The following CDH23 variants were observed in gnomAD, a reference collection of about 807,000 sequenced individuals.
The protein encoded by CDH23 is cadherin related 23.
CDH23 carries 189 observed loss-of-function variants against 317.1 expected under a neutral mutation model. The ratio of observed to expected loss-of-function variants is 0.60; its 90% CI spans 0.53 to 0.67. CDH23 has a LOEUF of 0.67. CDH23 is among the 30% of genes least tolerant of loss of function. The pLI is 0.00. For synonymous variants in CDH23, 1,839 were observed against 1,876.8 expected (o/e 0.98, Z 0.52); for missense variants, 4,401 against 4,592.4 (o/e 0.96, Z 1.20).
chr10:71,520,566 A>T (rs1193890296), intron 6 of CDH23, among the ~76,000 whole-genome samples: 3 of 152,206 alleles, frequency 2.0e-5, no homozygotes, highest in Non-Finnish European at 4.4e-5. Context: ...CCTGGGCCAG[A>T]GGCACAGCAC....
chr10:71,488,528 C>T (rs1319299893), intron 3 of CDH23, among the ~76,000 whole-genome samples: 1 of 152,200 alleles, frequency 6.6e-6, no homozygotes, highest in Non-Finnish European at 1.5e-5. Flanking sequence ...ACCCATGATC[C>T]ATCTGCTGCA....
At chr10:71,634,777 T>C (rs1215514845) in intron 11 of CDH23, among the ~76,000 whole-genome samples, 1 of 152,248 alleles carries the variant, frequency 6.6e-6, no homozygotes, top group African/African-American at 2.4e-5. Context: ...CAGGTGGCTG[T>C]AGCAGCAGCA....
chr10:71,552,064 G>A (rs185694240), intron 6 of CDH23, among the ~76,000 whole-genome samples: 2 of 152,364 alleles, frequency 1.3e-5, no homozygotes, highest in African/African-American at 2.4e-5. Flanking sequence ...CTGCAGTGAT[G>A]GCTACTACCG....
rs1292318410 is a variant in CDH23 at position 71,813,328 on chromosome 10, T to G, written c.9718T>G (p.Cys3240Gly). 1 of 1,551,612 alleles carries G rather than the reference T, an allele frequency of 6.4e-7. No individual in the cohort carries two copies. ...AQRMVQKASS[C>G]HSSISELIQT... ...GCGGATGGTGCAAAAAGCCTCCTCC[T>G]GCCACTCCTCCATCTCTGAGGTAGC... The change falls in exon 69 of 70, where the codon TGC (cysteine) becomes GGC (glycine). Residue 3240 changes from cysteine to glycine, a missense_variant. By Grantham distance (159) the Cys-to-Gly change is radical. Transcript: ENST00000224721.
intron 22 of CDH23, among the ~76,000 whole-genome samples, chr10:71,699,542 G>A (rs1042181431): frequency 2.6e-5 from 4 of 152,238 alleles, no homozygotes; most frequent in Admixed American, 6.5e-5. Flanking sequence ...ACTGGTGTGC[G>A]CTGGCGGAGT....
At chr10:71,746,932 G>A (rs1256477297) in intron 38 of CDH23, among the ~76,000 whole-genome samples, 3 of 152,172 alleles carry the variant, frequency 2.0e-5, no homozygotes, top group Admixed American at 2.0e-4. Context: ...TACACCTCAT[G>A]TCTTTAGAGC....
chr10:71,800,874 GAC>G, intron 53 of CDH23, 119 bp downstream of exon 53: 1 of 1,375,136 alleles, frequency 7.3e-7, no homozygotes, highest in Non-Finnish European at 9.9e-7. Context: ...TCCCCTTTGA[GAC>G]ACAGTGACAG....
rs1326027017 is a variant in CDH23 at position 71,739,723 on chromosome 10, T to G, written c.4439T>G (p.Phe1480Cys). 1 of 1,613,510 alleles carries G rather than the reference T, an allele frequency of 6.2e-7. No homozygotes were observed. Residue 1480 changes from phenylalanine to cysteine, a missense_variant, in exon 36 of 70, where the codon TTT becomes TGT. By Grantham distance (205) the Phe-to-Cys change is radical (BLOSUM62 -2). Coordinates refer to ENST00000224721, the MANE Select transcript of CDH23 (RefSeq NM_022124.6). ...VTTNDSIGEV[F>C]VARPLDREEL... is the part of the protein sequence containing the mutation. Reference sequence around the variant, plus strand: ...ACCAATGACTCCATTGGCGAAGTGTTTGTGGCCAGGCCCCTGGACAGAGAA... The same window carrying G: ...ACCAATGACTCCATTGGCGAAGTGTGTGTGGCCAGGCCCCTGGACAGAGAA...
chr10:71,589,022 C>A (rs1418520115), intron 9 of CDH23, among the ~76,000 whole-genome samples: 1 of 152,230 alleles, frequency 6.6e-6, no homozygotes, highest in African/African-American at 2.4e-5. Context: ...AACAGCTCCC[C>A]CAGCTCCAGT....
At chr10:71,666,592 G>C (rs569828363) in intron 14 of CDH23, among the ~76,000 whole-genome samples, 2 of 151,116 alleles carry the variant, frequency 1.3e-5, no homozygotes, top group Admixed American at 6.6e-5. Context: ...GAAAATCAAG[G>C]CTCCAAGCAT....
rs1841935553 is a variant in CDH23, at chr10:71,811,736, T to C, written c.9302T>C (p.Ile3101Thr). The C allele has an allele frequency of 3.1e-6, 5 of 1,589,366 alleles. No homozygotes were observed. The highest frequency in any genetic ancestry group is 3.4e-6 in the Non-Finnish European group (4 of 1,168,072). ...AGACACAAGAGGAAGCTCAAGGCCA[T>C]TGTGGCTGGCTCAGCTGGTAAGTGA... ...RTVHKRKLKAIVAGSAGNRGF... is the reference protein window; with the variant it reads ...RTVHKRKLKATVAGSAGNRGF... The change falls in exon 65 of 70, where the codon ATT (isoleucine) becomes ACT (threonine). Residue 3101 changes from isoleucine to threonine, a missense_variant. By Grantham distance (89) the Ile-to-Thr change is moderately conservative. This residue lies in a region of CDH23 where 1,144 missense variants were observed against 1,138.2 expected (regional missense o/e 1.01). Transcript: ENST00000224721.
At chr10:71,442,336 G>A (rs1849929087) in intron 2 of CDH23, among the ~76,000 whole-genome samples, 1 of 152,298 alleles carries the variant, frequency 6.6e-6, no homozygotes, top group Non-Finnish European at 1.5e-5. Flanking sequence ...CTTTGGCCTA[G>A]TGGGGCAGTG....
intron 3 of CDH23, among the ~76,000 whole-genome samples, chr10:71,461,138 C>T (rs1850961123): frequency 6.6e-6 from 1 of 152,236 alleles, no homozygotes; most frequent in African/African-American, 2.4e-5. Context: ...AGCCACTGCT[C>T]CCTCCACCCC....
intron 6 of CDH23, among the ~76,000 whole-genome samples, chr10:71,523,578 G>T (rs893297973): frequency 6.6e-6 from 1 of 152,228 alleles, no homozygotes; most frequent in African/African-American, 2.4e-5. Context: ...GGAGGCACGG[G>T]TCGGAGCCAG....
chr10:71,609,261 C>T (rs147790462), intron 9 of CDH23, among the ~76,000 whole-genome samples: 417 of 152,122 alleles, frequency 2.7e-3, no homozygotes, highest in Non-Finnish European at 4.2e-3. Flanking sequence ...CCTTCTACCC[C>T]CTGCTGCAGC....
At position 71,787,621 on chromosome 10, in the gene CDH23, A is replaced by G. The variant is rs554493866; in HGVS notation, c.5821-1319A>G. Among the ~76,000 whole-genome samples, 119 of 152,278 alleles carry G rather than the reference A, an allele frequency of 7.8e-4. 1 individual carries two copies. In the Middle Eastern group the frequency reaches 0.037, roughly 48 times the overall value. ...GTTACACATTATTTAGCTCCCACTTATAAGTGAAAATATGCAATATTTGAC... is the reference window on the plus strand; with the variant it reads ...GTTACACATTATTTAGCTCCCACTTGTAAGTGAAAATATGCAATATTTGAC... On this transcript the variant is annotated intron_variant, in intron 44 of 69. Transcript: ENST00000224721.
chr10:71,707,229 G>T, intron 26 of CDH23, 180 bp downstream of exon 26: 2 of 1,479,180 alleles, frequency 1.4e-6, no homozygotes, highest in Non-Finnish European at 1.8e-6. Context: ...CTTCCCAAGG[G>T]CTTTGCAGCT....
At chr10:71,746,005 T>G (rs886668282) in intron 38 of CDH23, among the ~76,000 whole-genome samples, 1 of 152,248 alleles carries the variant, frequency 6.6e-6, no homozygotes, top group African/African-American at 2.4e-5. Context: ...GACAAGGGCA[T>G]GAAAGATTCA....
At chr10:71,469,006 A>G (rs891752187) in intron 3 of CDH23, among the ~76,000 whole-genome samples, 1 of 152,176 alleles carries the variant, frequency 6.6e-6, no homozygotes, top group East Asian at 1.9e-4. Flanking sequence ...TTTCCCTCCA[A>G]GAGCCCCAAA....
Sources: allele counts gnomAD v4.1 joint callset (sites outside exome capture counted in the v4.1 genomes callset), GRCh38; gene constraint gnomAD v4.1.1; regional missense constraint gnomAD v4.1.1; transcripts MANE v1.5; gene names NCBI Gene and HGNC (gene_info 2026-07-23, HGNC 2026-07-21).